The following NRXN1 variants were observed in gnomAD, a reference collection of about 807,000 sequenced individuals.
NRXN1 encodes neurexin-1.
NRXN1 carries 39 observed loss-of-function variants against 150.9 expected under a neutral mutation model. That is an observed-to-expected ratio of 0.26 (90% CI 0.20 to 0.34). The LOEUF (loss-of-function observed/expected upper bound fraction) is 0.34. Among genes scored for constraint, NRXN1 ranks in the 10% least tolerant of loss-of-function variants. The probability of loss-of-function intolerance (pLI) is 1.00; values close to 1 mark genes in which losing one functional copy is unlikely to be tolerated. For missense variants in NRXN1, 1,815 were observed against 1,949.9 expected (o/e 0.93, Z 1.30); for synonymous variants, 924 against 757.0 (o/e 1.22, Z -3.62).
intron 21 of NRXN1, among the ~76,000 whole-genome samples, chr2:50,053,047 AC>A (rs1400084067): frequency 2.0e-5 from 3 of 152,182 alleles, no homozygotes; most frequent in African/African-American, 7.2e-5. Context: ...TTAGCATCTA[AC>A]AAACCAAAAC....
intron 5 of NRXN1, among the ~76,000 whole-genome samples, chr2:50,890,962 G>A (rs2103823976): frequency 6.6e-6 from 1 of 151,984 alleles, no homozygotes; most frequent in South Asian, 2.1e-4. Flanking sequence ...ACCAAATAAT[G>A]CAAAACTTAA....
At chr2:50,374,886 T>G (rs900728801) in intron 17 of NRXN1, among the ~76,000 whole-genome samples, 1 of 152,164 alleles carries the variant, frequency 6.6e-6, no homozygotes, top group East Asian at 1.9e-4. Flanking sequence ...TTTTGACAGA[T>G]TTCTTAAGTT....
intron 5 of NRXN1, chr2:50,829,388 A>G: frequency 1.0e-5 from 12 of 1,194,556 alleles, no homozygotes; most frequent in Non-Finnish European, 1.5e-5. Context: ...TCGGGCTCCC[A>G]AAGTGCGGGG....
At chr2:50,808,368 T>C in intron 5 of NRXN1, among the ~76,000 whole-genome samples, 1 of 152,140 alleles carries the variant, frequency 6.6e-6, no homozygotes, top group East Asian at 1.9e-4. Context: ...TATATTTCAA[T>C]ATTTTGAATA....
chr2:49,982,380 G>C (rs1030736005), intron 21 of NRXN1, among the ~76,000 whole-genome samples: 1 of 151,736 alleles, frequency 6.6e-6, no homozygotes, highest in African/African-American at 2.4e-5. Flanking sequence ...TATCTTTTCA[G>C]CTGGAGGGCT....
At chr2:49,975,291 C>T (rs1678765896) in intron 21 of NRXN1, among the ~76,000 whole-genome samples, 1 of 151,832 alleles carries the variant, frequency 6.6e-6, no homozygotes, top group Non-Finnish European at 1.5e-5. Flanking sequence ...CACCCTGGCA[C>T]TTTTATTGCT....
intron 8 of NRXN1, among the ~76,000 whole-genome samples, chr2:50,593,140 CGT>C (rs556902354): frequency 6.6e-6 from 1 of 152,146 alleles, no homozygotes; most frequent in Non-Finnish European, 1.5e-5. Context: ...GATCTCTGAT[CGT>C]GTGTTATTTT....
chr2:50,876,631 A>G (rs1678632025), intron 5 of NRXN1, among the ~76,000 whole-genome samples: 1 of 151,766 alleles, frequency 6.6e-6, no homozygotes, highest in Non-Finnish European at 1.5e-5. Flanking sequence ...TTCTTTTCAC[A>G]TCTCATTATG....
intron 5 of NRXN1, among the ~76,000 whole-genome samples, chr2:50,773,690 T>C (rs1177232191): frequency 1.3e-5 from 2 of 152,104 alleles, no homozygotes; most frequent in African/African-American, 2.4e-5. Context: ...GGCCTGTTTT[T>C]TGACCTCAAA....
chr2:50,651,901 C>T (rs1184800613), intron 5 of NRXN1, among the ~76,000 whole-genome samples: 1 of 151,974 alleles, frequency 6.6e-6, no homozygotes, highest in Non-Finnish European at 1.5e-5. Flanking sequence ...CCACAACAAT[C>T]CTAACACTCT....
At chr2:51,019,535 A>G (rs1418689491) in intron 2 of NRXN1, among the ~76,000 whole-genome samples, 2 of 152,040 alleles carry the variant, frequency 1.3e-5, no homozygotes, top group Admixed American at 1.3e-4. Flanking sequence ...TTTGGGGGAA[A>G]ATCATGTATA....
chr2:50,233,576 C>T (rs1038238652), intron 18 of NRXN1, among the ~76,000 whole-genome samples: 12 of 151,988 alleles, frequency 7.9e-5, no homozygotes, highest in Non-Finnish European at 1.8e-4. Flanking sequence ...AATTTATTGG[C>T]TTACTCTATC....
At chr2:50,778,356 A>T (rs150123547) in intron 5 of NRXN1, among the ~76,000 whole-genome samples, 1 of 152,350 alleles carries the variant, frequency 6.6e-6, no homozygotes, top group African/African-American at 2.4e-5. Context: ...ATTCAAATAT[A>T]ACATAGTAAT....
At chr2:50,423,215 T>C (rs1158042606) in intron 17 of NRXN1, among the ~76,000 whole-genome samples, 2 of 152,194 alleles carry the variant, frequency 1.3e-5, no homozygotes, top group African/African-American at 2.4e-5. Context: ...GGTTCTTTCA[T>C]CTGATTTATC....
intron 5 of NRXN1, among the ~76,000 whole-genome samples, chr2:50,754,860 A>T (rs1295022436): frequency 1.3e-5 from 2 of 151,898 alleles, no homozygotes; most frequent in African/African-American, 4.8e-5. Context: ...TAGAAACTAG[A>T]ATTTATTTTC....
At chr2:50,945,499 CCT>C (rs903495197) in intron 2 of NRXN1, among the ~76,000 whole-genome samples, 61 of 105,582 alleles carry the variant, frequency 5.8e-4, no homozygotes, top group Admixed American at 1.1e-3. Context: ...TATATAGCTC[CCT>C]CTCTCTCTCT....
chr2:50,060,802 C>T (rs1000979257), intron 19 of NRXN1, among the ~76,000 whole-genome samples: 13 of 152,286 alleles, frequency 8.5e-5, no homozygotes, highest in African/African-American at 2.4e-4. Flanking sequence ...GCTCCTCCTT[C>T]GTCTTTCTGA....
chr2:50,984,967 A>T (rs1454284135), intron 2 of NRXN1, among the ~76,000 whole-genome samples: 3 of 152,092 alleles, frequency 2.0e-5, no homozygotes, highest in Non-Finnish European at 4.4e-5. Flanking sequence ...AGTTACTGGG[A>T]GATTGGACCA....
chr2:50,928,201 A>C (rs1036323388), intron 2 of NRXN1, among the ~76,000 whole-genome samples: 3 of 152,000 alleles, frequency 2.0e-5, no homozygotes, highest in Admixed American at 2.0e-4. Flanking sequence ...TCTGTCTCAG[A>C]AAATTTAGAT....
Sources: allele counts gnomAD v4.1 joint callset (sites outside exome capture counted in the v4.1 genomes callset), GRCh38; gene constraint gnomAD v4.1.1; transcripts MANE v1.5; gene names NCBI Gene and HGNC (gene_info 2026-07-23, HGNC 2026-07-21).